Variants in CADPS observed in about 807,000 individuals in gnomAD.
CADPS encodes calcium dependent secretion activator, also known as calcium-dependent secretion activator 1.
A neutral mutation model predicts 167.3 loss-of-function variants in CADPS; 57 were observed. That is an observed-to-expected ratio of 0.34 (90% CI 0.28 to 0.42). CADPS has a LOEUF of 0.42. Among genes scored for constraint, CADPS ranks in the 20% least tolerant of loss-of-function variants. The probability of loss-of-function intolerance (pLI) is 1.00; values close to 1 mark genes in which losing one functional copy is unlikely to be tolerated. For synonymous variants in CADPS, 676 were observed against 635.3 expected, an observed-to-expected ratio of 1.06 and a Z score of -0.96; for missense variants, 1,414 against 1,738.1, an observed-to-expected ratio of 0.81 and a Z score of 3.32.
intron 3 of CADPS, among the ~76,000 whole-genome samples, chr3:62,687,364 G>A (rs1262294008): frequency 2.0e-5 from 3 of 152,024 alleles, no homozygotes; most frequent in African/African-American, 7.3e-5. Context: ...CCCAAATGGG[G>A]CAAGAAATAC....
chr3:62,781,128 T>G (rs1446942498), intron 1 of CADPS, among the ~76,000 whole-genome samples: 1 of 152,080 alleles, frequency 6.6e-6, no homozygotes, highest in Admixed American at 6.6e-5. Context: ...GGAGGTGTGT[T>G]TTTCTGGGGT....
chr3:62,808,636 A>T (rs2094233959), intron 1 of CADPS, among the ~76,000 whole-genome samples: 1 of 151,702 alleles, frequency 6.6e-6, no homozygotes, highest in Non-Finnish European at 1.5e-5. Flanking sequence ...CCTCTGTTTG[A>T]TGTCAAATGT....
At chr3:62,659,860 A>T (rs1340491988) in intron 4 of CADPS, among the ~76,000 whole-genome samples, 1 of 152,182 alleles carries the variant, frequency 6.6e-6, no homozygotes, top group African/African-American at 2.4e-5. Context: ...TTCTGAAAGA[A>T]CAGGAGACAG....
intron 9 of CADPS, among the ~76,000 whole-genome samples, chr3:62,561,078 C>CAAAAAAAAAAAAAAA (rs34584073): frequency 1.2e-5 from 1 of 83,586 alleles, no homozygotes; most frequent in South Asian, 5.6e-4. Flanking sequence ...AACTCCATCT[C>CAAAAAAAAAAAAAAA]AAAAAAAAAA....
intron 1 of CADPS, among the ~76,000 whole-genome samples, chr3:62,854,272 A>C (rs1052084142): frequency 1.3e-5 from 2 of 152,220 alleles, no homozygotes; most frequent in Non-Finnish European, 2.9e-5. Context: ...CCGTTAAAAA[A>C]GTAACTTTCT....
Position 62,748,344 on chromosome 3 carries a change from C to CAAAAAAAAA in CADPS, c.888+5088_888+5096dup, listed in dbSNP as rs60942307. Among the ~76,000 whole-genome samples, 478 of 48,494 alleles carry CAAAAAAAAA rather than the reference C, an allele frequency of 9.9e-3. 74 individuals are homozygous for CAAAAAAAAA. The highest frequency in any genetic ancestry group is 0.018 in the East Asian group (15 of 812). 31.8% of individuals were successfully genotyped at this position (48,494 alleles called of 152,430 possible). On this transcript the variant is annotated intron_variant, in intron 3 of 29. Coordinates refer to ENST00000383710, the MANE Select transcript of CADPS (RefSeq NM_003716.4). ...CTGGGCGAGAAGCGAGACTCCGTCT[C>CAAAAAAAAA]AAAAAAAAAAAAAAAAAAAAAAAAA...
At chr3:62,505,358 T>C (rs541017746) in intron 17 of CADPS, among the ~76,000 whole-genome samples, 2 of 152,338 alleles carry the variant, frequency 1.3e-5, no homozygotes, top group East Asian at 1.9e-4. Context: ...ATGCTTTTCA[T>C]TGGAGCCATC....
intron 1 of CADPS, among the ~76,000 whole-genome samples, chr3:62,814,037 T>C (rs529621882): frequency 3.9e-5 from 6 of 152,310 alleles, no homozygotes; most frequent in African/African-American, 1.4e-4. Context: ...ATATTAATGA[T>C]ACCATAGAAA....
intron 3 of CADPS, 101 bp from the exon 4 acceptor site, chr3:62,662,495 C>T: frequency 1.1e-6 from 1 of 943,360 alleles, no homozygotes. Context: ...GCTCCATGGA[C>T]ATATTTCAGT....
At chr3:62,629,768 G>GTTTTTT (rs56393514) in intron 6 of CADPS, among the ~76,000 whole-genome samples, 19 of 148,224 alleles carry the variant, frequency 1.3e-4, no homozygotes, top group Admixed American at 2.0e-4. Context: ...TTTTTTTTTT[G>GTTTTTT]TTTGTTTGTT....
chr3:62,860,262 T>C (rs1365250386), intron 1 of CADPS, among the ~76,000 whole-genome samples: 1 of 152,218 alleles, frequency 6.6e-6, no homozygotes, highest in Non-Finnish European at 1.5e-5. Flanking sequence ...CAGTGTAGTG[T>C]TCTGAAGCCT....
At chr3:62,480,736 A>T (rs1358612642) in intron 22 of CADPS, among the ~76,000 whole-genome samples, 1 of 152,182 alleles carries the variant, frequency 6.6e-6, no homozygotes, top group Non-Finnish European at 1.5e-5. Context: ...TTCAAGAAAA[A>T]GCTTATCTGG....
chr3:62,485,582 T>C (rs1334541879), intron 21 of CADPS, among the ~76,000 whole-genome samples: 2 of 152,110 alleles, frequency 1.3e-5, no homozygotes, highest in Non-Finnish European at 2.9e-5. Context: ...GTCATTTTTC[T>C]TGTGTGTATG....
intron 3 of CADPS, among the ~76,000 whole-genome samples, chr3:62,745,224 G>A (rs527676916): frequency 4.6e-5 from 7 of 152,032 alleles, no homozygotes; most frequent in South Asian, 2.1e-4. Flanking sequence ...GAGCTACCAC[G>A]CCCAGCTAAA....
Position 62,455,574 on chromosome 3 carries a change from A to T in CADPS, c.3637-9777T>A, listed in dbSNP as rs1274170670. Reference sequence around the variant, plus strand: ...TTGTGACATGATCTTATTTTAAGAGAAACTTGGAAGTGCAAATTGGAAAGT... The same window carrying T: ...TTGTGACATGATCTTATTTTAAGAGTAACTTGGAAGTGCAAATTGGAAAGT... On this transcript the variant is annotated intron_variant, in intron 26 of 29. Transcript: ENST00000383710. This position sits in a 1 kb window ranked among gnomAD's most constrained non-coding sequence, Gnocchi z 4.4. Among the ~76,000 whole-genome samples, 2 of 152,222 alleles carry T rather than the reference A, an allele frequency of 1.3e-5. No individual in the cohort carries two copies. Among genetic ancestry groups the T allele is most frequent in the Non-Finnish European group, 2.9e-5 (2 of 68,036 alleles).
intron 23 of CADPS, among the ~76,000 whole-genome samples, chr3:62,475,584 GAAAAAAA>G (rs34263556): frequency 5.4e-5 from 3 of 55,962 alleles, no homozygotes; most frequent in Admixed American, 4.9e-4. Flanking sequence ...CAGTTCTTAA[GAAAAAAA>G]AAAAAAAAAA....
At chr3:62,687,888 A>G (rs984210203) in intron 3 of CADPS, among the ~76,000 whole-genome samples, 1 of 152,006 alleles carries the variant, frequency 6.6e-6, no homozygotes, top group Non-Finnish European at 1.5e-5. Flanking sequence ...GCAAGTGAAA[A>G]AAGTCACTAA....
intron 11 of CADPS, among the ~76,000 whole-genome samples, chr3:62,540,271 T>C (rs1250646509): frequency 2.0e-5 from 3 of 152,076 alleles, no homozygotes; most frequent in Non-Finnish European, 4.4e-5. Flanking sequence ...CCAATTCCTA[T>C]GTCCTGTTTC....
At chr3:62,490,772 A>G (rs2063562756) in intron 21 of CADPS, among the ~76,000 whole-genome samples, 1 of 152,212 alleles carries the variant, frequency 6.6e-6, no homozygotes, top group South Asian at 2.1e-4. Flanking sequence ...AAAGGCCTAG[A>G]CCAGGCAATG....
Sources: gnomAD v4.1 joint callset for allele counts (sites outside exome capture counted in the v4.1 genomes callset) on GRCh38, gnomAD v4.1.1 for gene constraint, Gnocchi (gnomAD v3.1) non-coding constraint, MANE v1.5 for transcripts, NCBI Gene and HGNC (gene_info 2026-07-23, HGNC 2026-07-21) for gene names.